The following MGAT4A variants were observed in gnomAD, a reference collection of about 807,000 sequenced individuals.
MGAT4A encodes the protein N-acetylglucosaminyltransferase IVa.
In MGAT4A, 33 loss-of-function variants were observed where a neutral mutation model predicts 74.1. That is an observed-to-expected ratio of 0.45 (90% CI 0.34 to 0.60). The LOEUF (loss-of-function observed/expected upper bound fraction) is 0.60. MGAT4A is among the 20% of genes least tolerant of loss of function. The pLI is 0.02. For synonymous variants in MGAT4A, 198 were observed against 210.4 expected (o/e 0.94, Z 0.51); for missense variants, 479 against 628.3 (o/e 0.76, Z 2.54).
chr2:98,693,232 G>A (rs1279259225), intron 2 of MGAT4A, among the ~76,000 whole-genome samples: 1 of 152,040 alleles, frequency 6.6e-6, no homozygotes, highest in East Asian at 1.9e-4. Flanking sequence ...GGAATAAAGG[G>A]AAAATCAAGA....
intron 2 of MGAT4A, among the ~76,000 whole-genome samples, chr2:98,722,383 C>T (rs745310340): frequency 2.0e-5 from 3 of 152,190 alleles, no homozygotes; most frequent in Non-Finnish European, 4.4e-5. Context: ...TGATCTGCCA[C>T]AACACGGGTG....
chr2:98,683,180 A>ATTTCTCTTACTCCT (rs1439636525), intron 2 of MGAT4A, among the ~76,000 whole-genome samples: 2 of 152,204 alleles, frequency 1.3e-5, no homozygotes, highest in African/African-American at 4.8e-5. Context: ...AACGACCAGG[A>ATTTCTCTTACTCCT]GTAAGAGAAA....
At position 98,670,978 on chromosome 2, in the gene MGAT4A, A is replaced by G. The variant is rs78438239; in HGVS notation, c.403+4057T>C. Among the ~76,000 whole-genome samples, 655 of 152,268 alleles carry G rather than the reference A, an allele frequency of 4.3e-3. 8 individuals carry two copies. Among genetic ancestry groups the G allele is most frequent in the African/African-American group, 0.015 (632 of 41,542 alleles). On this transcript the variant is annotated intron_variant, in intron 4 of 15. Coordinates refer to ENST00000393487, the MANE Select transcript of MGAT4A (RefSeq NM_012214.3). ...ATCACCTCCAAATTATCATATTCAA[A>G]TTTAATCTATAAACCTCTCTTGCAA...
chr2:98,716,159 AAATT>A (rs1702589041), intron 2 of MGAT4A, among the ~76,000 whole-genome samples: 1 of 151,794 alleles, frequency 6.6e-6, no homozygotes, highest in Non-Finnish European at 1.5e-5. Flanking sequence ...TCTCTACAAA[AAATT>A]TTTGCAATTA....
intron 2 of MGAT4A, among the ~76,000 whole-genome samples, chr2:98,679,507 C>G (rs891853265): frequency 2.0e-5 from 3 of 151,344 alleles, no homozygotes; most frequent in Non-Finnish European, 2.9e-5. Context: ...TGGTGTATGC[C>G]TGTAGTCTCA....
At chr2:98,639,754 T>C (rs772949688) in intron 12 of MGAT4A, 54 bp downstream of exon 12, 157 of 1,472,590 alleles carry the variant, frequency 1.1e-4, no homozygotes, top group Non-Finnish European at 1.4e-4. Flanking sequence ...ATAAATCACA[T>C]TACGAATAAG....
At position 98,621,337 on chromosome 2, in the gene MGAT4A, T is replaced by TA; in HGVS notation, c.*4228dup. 5.3e-6 allele frequency: 8 copies of TA among 1,495,746 alleles called. No individual in the cohort carries two copies. The highest frequency in any genetic ancestry group is 7.2e-6 in the Non-Finnish European group (8 of 1,118,606). 92.7% of individuals were successfully genotyped at this position (1,495,746 alleles called of 1,614,324 possible). A position where few individuals can be genotyped will look rare whatever the true frequency, so the allele number is the denominator to read the frequency against. Reference sequence around the variant, plus strand: ...GGGCTGAATTCAGTTCCCGTGGCTGTAGGACTGCAGTTCCCAGCTCCTTTG... The same window carrying TA: ...GGGCTGAATTCAGTTCCCGTGGCTGTAAGGACTGCAGTTCCCAGCTCCTTTG... On this transcript the variant is annotated 3_prime_UTR_variant, in exon 16 of 16. Transcript: ENST00000393487.
chr2:98,656,477 A>C lies in MGAT4A; in HGVS notation c.585-12T>G, dbSNP rs769873933. ...TTTCTTTAGAAAATCTATTATGAGA[A>C]AGTTAGCTGAGTTACTTAAGTTCTG... On this transcript the variant is annotated splice_polypyrimidine_tract_variant and intron_variant, in intron 6 of 15. Coordinates refer to ENST00000393487, the MANE Select transcript of MGAT4A (RefSeq NM_012214.3). 1 of 1,544,662 alleles carries C rather than the reference A, an allele frequency of 6.5e-7. No homozygotes were observed. The highest frequency in any genetic ancestry group is 1.2e-5 in the South Asian group (1 of 86,946).
intron 10 of MGAT4A, 83 bp from the exon 11 acceptor site, chr2:98,640,311 A>C (rs1197823104): frequency 4.4e-5 from 51 of 1,165,598 alleles, no homozygotes; most frequent in Non-Finnish European, 6.1e-5. Context: ...GTCCTTTATT[A>C]AAATATTGAA....
At chr2:98,673,936 C>T (rs17448190) in intron 4 of MGAT4A, among the ~76,000 whole-genome samples, 33,100 of 152,144 alleles carry the variant, frequency 0.22, 4,407 homozygotes, top group Non-Finnish European at 0.3. Flanking sequence ...CTCTGTATAC[C>T]TGGCACCTGC....
chr2:98,689,639 A>G (rs1482923643), intron 2 of MGAT4A, among the ~76,000 whole-genome samples: 1 of 152,168 alleles, frequency 6.6e-6, no homozygotes, highest in Non-Finnish European at 1.5e-5. Context: ...CCTCGGCACC[A>G]TGGGGAAACC....
chr2:98,687,877 T>C (rs1450843918), intron 2 of MGAT4A, among the ~76,000 whole-genome samples: 2 of 152,124 alleles, frequency 1.3e-5, no homozygotes, highest in Non-Finnish European at 2.9e-5. Flanking sequence ...ACTCACCCTG[T>C]GGTCTTATGA....
At chr2:98,646,912 A>G (rs984299021) in intron 8 of MGAT4A, among the ~76,000 whole-genome samples, 2 of 152,252 alleles carry the variant, frequency 1.3e-5, no homozygotes, top group Non-Finnish European at 2.9e-5. Context: ...AATAGGTAAC[A>G]TAATGATACT....
intron 8 of MGAT4A, among the ~76,000 whole-genome samples, chr2:98,649,369 C>T (rs187692451): frequency 1.9e-4 from 29 of 152,234 alleles, no homozygotes; most frequent in African/African-American, 6.7e-4. Flanking sequence ...TCTGAGCATT[C>T]CACAGCCAGA....
At chr2:98,628,066 T>C (rs1310629849) in intron 14 of MGAT4A, among the ~76,000 whole-genome samples, 1 of 152,240 alleles carries the variant, frequency 6.6e-6, no homozygotes, top group Non-Finnish European at 1.5e-5. Context: ...TATTTTTTTT[T>C]AGCACCATTT....
intron 4 of MGAT4A, among the ~76,000 whole-genome samples, chr2:98,664,390 C>G (rs927832865): frequency 1.3e-5 from 2 of 152,072 alleles, no homozygotes; most frequent in African/African-American, 4.8e-5. Context: ...AGCTTACGTG[C>G]AATTTGTCCT....
At chr2:98,692,672 C>G (rs939033116) in intron 2 of MGAT4A, among the ~76,000 whole-genome samples, 6 of 152,114 alleles carry the variant, frequency 3.9e-5, no homozygotes, top group Non-Finnish European at 8.8e-5. Context: ...TATTTAGATA[C>G]ACAAATACTT....
intron 1 of MGAT4A, among the ~76,000 whole-genome samples, chr2:98,730,554 C>A (rs1393340519): frequency 1.3e-5 from 2 of 151,976 alleles, no homozygotes; most frequent in African/African-American, 4.8e-5. Flanking sequence ...GCCCACCTGC[C>A]CCGCGGCCCC....
rs1319464442 is a variant in MGAT4A, at chr2:98,624,136, C to G, written c.*1430G>C. 1 of 668,400 alleles carries G rather than the reference C, an allele frequency of 1.5e-6. No homozygotes were observed. Among genetic ancestry groups the G allele is most frequent in the Non-Finnish European group, 1.9e-6 (1 of 540,384 alleles). The allele number at this position is 668,400 out of a possible 1,614,324, so 41.4% of individuals were successfully genotyped here. A position where few individuals can be genotyped will look rare whatever the true frequency, so the allele number is the denominator to read the frequency against. On this transcript the variant is annotated 3_prime_UTR_variant, in exon 16 of 16. Transcript: ENST00000393487. ...CACGCCATTCTCCTGCCTCAGCCTC[C>G]CAAGTAGCTGGGATTACAGGCACCT...
Sources: gnomAD v4.1 joint callset for allele counts (sites outside exome capture counted in the v4.1 genomes callset) on GRCh38, gnomAD v4.1.1 for gene constraint, MANE v1.5 for transcripts, NCBI Gene and HGNC (gene_info 2026-07-23, HGNC 2026-07-21) for gene names.